Variants in PRPF40B observed in about 807,000 individuals in gnomAD.
The protein encoded by PRPF40B is pre-mRNA-processing factor 40 homolog B.
A neutral mutation model predicts 124.5 loss-of-function variants in PRPF40B; 56 were observed. The observed-to-expected ratio is 0.45, with a 90% CI of 0.36 to 0.56. The LOEUF is 0.56. Ranked by LOEUF, PRPF40B falls within the 20% of genes least tolerant of loss-of-function variation. The pLI, the probability that PRPF40B is intolerant of heterozygous loss-of-function variation, is 0.00. For synonymous variants in PRPF40B, 443 were observed against 426.4 expected (o/e 1.04, Z -0.48); for missense variants, 1,053 against 1,169.5 (o/e 0.90, Z 1.45).
chr12:49,634,762 A>G, intron 12 of PRPF40B, 160 bp downstream of exon 12: 1 of 789,274 alleles, frequency 1.3e-6, no homozygotes, highest in Non-Finnish European at 2.0e-6. Flanking sequence ...GAGGGCCTCC[A>G]GGAGAAGGAA....
rs567454209 is a variant in PRPF40B at position 49,629,248 on chromosome 12, C to T, written c.4-1297C>T. 8.8e-4 allele frequency among the ~76,000 whole-genome samples: 134 copies of T among 152,338 alleles called. 4 individuals are homozygous for T. In the South Asian group the frequency reaches 0.027, roughly 31 times the overall value. Reference sequence around the variant, plus strand: ...AATGATAAAAGTTTGCTGCACCTTGCTTTCTTTCCCACTTGTTAATACATC... The same window carrying T: ...AATGATAAAAGTTTGCTGCACCTTGTTTTCTTTCCCACTTGTTAATACATC... On this transcript the variant is annotated intron_variant, in intron 1 of 25. Coordinates refer to ENST00000548825, the MANE Select transcript of PRPF40B (RefSeq NM_001031698.3).
chr12:49,641,154 G>A (rs534458896), intron 18 of PRPF40B: 1 of 152,368 alleles, frequency 6.6e-6, no homozygotes, highest in East Asian at 1.9e-4. Flanking sequence ...CTAAGCCTCT[G>A]CTTCACTGGA....
In PRPF40B at chr12:49,643,935, C is replaced by G; in HGVS notation, c.2517C>G (p.Asp839Glu). The change falls in exon 25 of 26, where the codon GAC becomes GAG. Residue 839 changes from aspartate to glutamate, a missense_variant. Physicochemically the swap from Asp to Glu is conservative, Grantham distance 45. Coordinates refer to ENST00000548825, the MANE Select transcript of PRPF40B (RefSeq NM_001031698.3). ...KESDEKEQEQ[D>E]KDRELQQAEL... Reference sequence around the variant, plus strand: ...GCGATGAGAAAGAACAAGAACAGGACAAGGACAGGGAGCTCCAACAGGCAG... The same window carrying G: ...GCGATGAGAAAGAACAAGAACAGGAGAAGGACAGGGAGCTCCAACAGGCAG... 6.2e-7 allele frequency: 1 copy of G among 1,614,168 alleles called. No individual in the cohort carries two copies. The highest frequency in any genetic ancestry group is 8.5e-7 in the Non-Finnish European group (1 of 1,180,044).
chr12:49,636,037 T>A, intron 15 of PRPF40B, 44 bp downstream of exon 15: 2 of 1,608,428 alleles, frequency 1.2e-6, no homozygotes, highest in Non-Finnish European at 8.5e-7. Context: ...TCCCTTTCTT[T>A]ACTGGACCTG....
Position 49,634,086 on chromosome 12 carries a change from C to T in PRPF40B, c.806C>T (p.Pro269Leu), listed in dbSNP as rs779568221. ...QGFLQQLEEGPSSSGQHQPQQ... is the reference protein window; with the variant it reads ...QGFLQQLEEGLSSSGQHQPQQ... ...TTCCTGCAGCAGCTGGAGGAGGGCCCCAGCAGGTGAGGGCTGCCCCCCATG... is the reference window on the plus strand; with the variant it reads ...TTCCTGCAGCAGCTGGAGGAGGGCCTCAGCAGGTGAGGGCTGCCCCCCATG... Residue 269 changes from proline (P) to leucine (L), a missense_variant, in exon 10 of 26, where the codon CCC (proline) becomes CTC (leucine). Physicochemically the swap from Pro to Leu is moderately conservative, Grantham distance 98. Coordinates refer to ENST00000548825, the MANE Select transcript of PRPF40B (RefSeq NM_001031698.3). 4 of 1,612,276 alleles carry T rather than the reference C, an allele frequency of 2.5e-6. No homozygotes were observed. Among genetic ancestry groups the T allele is most frequent in the Non-Finnish European group, 3.4e-6 (4 of 1,179,682 alleles).
intron 16 of PRPF40B, chr12:49,637,170 TG>T: frequency 1.7e-6 from 1 of 572,598 alleles, no homozygotes; most frequent in Non-Finnish European, 3.1e-6. Flanking sequence ...TCCCTCAGCT[TG>T]GGGGTGGCAG....
intron 18 of PRPF40B, chr12:49,639,084 T>C (rs1202295767): frequency 6.6e-6 from 1 of 152,240 alleles, no homozygotes; most frequent in African/African-American, 2.4e-5. Context: ...AGTAGAGCCC[T>C]GCATGTAAAG....
At chr12:49,625,101 G>T (rs1278960670) in intron 1 of PRPF40B, among the ~76,000 whole-genome samples, 2 of 152,178 alleles carry the variant, frequency 1.3e-5, no homozygotes, top group Non-Finnish European at 2.9e-5. Context: ...TCTTCAGGAA[G>T]TGGGAATGAG....
chr12:49,632,996 G>GCGGGGGGCCCC lies in PRPF40B; in HGVS notation c.349-17_349-16insGGGGGGCCCCC. 8.7e-7 allele frequency: 1 copy of GCGGGGGGCCCC among 1,147,398 alleles called. No individual in the cohort carries two copies. The highest frequency in any genetic ancestry group is 1.2e-6 in the Non-Finnish European group (1 of 823,012). The allele number at this position is 1,147,398 out of a possible 1,614,324, so 71.1% of individuals were successfully genotyped here. On this transcript the variant is annotated splice_polypyrimidine_tract_variant and intron_variant, in intron 6 of 25. Coordinates refer to ENST00000548825, the MANE Select transcript of PRPF40B (RefSeq NM_001031698.3). Reference sequence around the variant, plus strand: ...AAAGGGGCCTTGACCACCATTCTGTGCCCCCCCCCCCACCCAGAGGGCCCT... The same window carrying GCGGGGGGCCCC: ...AAAGGGGCCTTGACCACCATTCTGTGCGGGGGGCCCCCCCCCCCCCCCACCCAGAGGGCCCT...
chr12:49,622,646 C>CT (rs1940307994), upstream of PRPF40B: 1 of 152,346 alleles, frequency 6.6e-6, no homozygotes, highest in African/African-American at 2.4e-5. Context: ...GGTGTCACCT[C>CT]TAACTCTTCG....
Position 49,637,423 on chromosome 12 carries a change from C to G in PRPF40B, c.1561-47C>G. On this transcript the variant is annotated intron_variant, in intron 16 of 25. Transcript: ENST00000548825. The stretch of plus-strand genomic sequence containing the variant: ...CTCTCTTCCCCCTCAGTCTGTGGCT[C>G]TGCCTCCCTGTCTCACTCTCCCTAT... The G allele has an allele frequency of 2.9e-6, 4 of 1,360,680 alleles. 1 individual carries two copies. The highest frequency in any genetic ancestry group is 4.2e-6 in the Non-Finnish European group (4 of 956,300). The allele number at this position is 1,360,680 out of a possible 1,614,324, so 84.3% of individuals were successfully genotyped here. A position where few individuals can be genotyped will look rare whatever the true frequency, so the allele number is the denominator to read the frequency against.
rs1272187917 is a variant in PRPF40B at position 49,633,900 on chromosome 12, A to T, written c.620A>T (p.Gln207Leu). Residue 207 changes from glutamine to leucine, a missense_variant, in exon 10 of 26, where the codon CAG (glutamine) becomes CTG (leucine). This residue lies in a region of PRPF40B where 895 missense variants were observed against 1,052.2 expected (regional missense o/e 0.85). Transcript: ENST00000548825. ...CTCATCTGCAGGAAACAGCAGCAGC[A>T]GCTGCCACAGACACTTCAGCCACAG... The part of the protein sequence containing the change: ...KQEAAGKQQQ[Q>L]LPQTLQPQPP... 3.1e-6 allele frequency: 5 copies of T among 1,613,932 alleles called. No individual in the cohort carries two copies. In the African/African-American group the frequency reaches 6.7e-5, roughly 22 times the overall value.
At chr12:49,627,940 T>C (rs1459234120) in intron 1 of PRPF40B, among the ~76,000 whole-genome samples, 2 of 152,092 alleles carry the variant, frequency 1.3e-5, no homozygotes, top group African/African-American at 4.8e-5. Context: ...GAGTGACTCA[T>C]AGGTTTCCAT....
chr12:49,635,022 T>C lies in PRPF40B; in HGVS notation c.1002-77T>C. ...AGCCCCTGCAGCCTGCAGTGTCTCA[T>C]GACCCTCCAGTGTGGGCTGTGCAGA... On this transcript the variant is annotated intron_variant, in intron 12 of 25. Transcript: ENST00000548825. The surrounding 1 kb of genome is among the most constrained non-coding windows in gnomAD (Gnocchi z 4.1). 2 of 1,423,326 alleles carry C rather than the reference T, an allele frequency of 1.4e-6. No individual in the cohort carries two copies. The highest frequency in any genetic ancestry group is 9.5e-7 in the Non-Finnish European group (1 of 1,050,454). 88.2% of individuals were successfully genotyped at this position (1,423,326 alleles called of 1,614,324 possible).
In PRPF40B at chr12:49,640,827, G is replaced by C. The variant is rs556865918; in HGVS notation, c.1768-1081G>C. ...GTTAGCTTGATGAAGGGGAGAGCAT[G>C]GTGGAAAGGATGTTCCAGGTTAGGT... On this transcript the variant is annotated intron_variant, in intron 18 of 25. Coordinates refer to ENST00000548825, the MANE Select transcript of PRPF40B (RefSeq NM_001031698.3). 3.9e-5 allele frequency: 6 copies of C among 152,356 alleles called. No individual in the cohort carries two copies. In the East Asian group the frequency reaches 1.2e-3, roughly 29 times the overall value. 9.4% of individuals were successfully genotyped at this position (152,356 alleles called of 1,614,324 possible). A position where few individuals can be genotyped will look rare whatever the true frequency, so the allele number is the denominator to read the frequency against.
chr12:49,631,255 G>T lies in PRPF40B; in HGVS notation c.85-146G>T. 1 of 544,452 alleles carries T rather than the reference G, an allele frequency of 1.8e-6. No individual in the cohort carries two copies. Among genetic ancestry groups the T allele is most frequent in the Non-Finnish European group, 3.2e-6 (1 of 308,956 alleles). 33.7% of individuals were successfully genotyped at this position (544,452 alleles called of 1,614,324 possible). ...GGAGGGAGGCAGTTTCATGCCTTGT[G>T]CTTCTCAAACTAAAGCCTTGGAATT... On this transcript the variant is annotated intron_variant, in intron 2 of 25. Transcript: ENST00000548825. This position sits in a 1 kb window ranked among gnomAD's most constrained non-coding sequence, Gnocchi z 4.3.
At chr12:49,632,010 C>T in intron 4 of PRPF40B, 85 bp downstream of exon 4, 1 of 1,343,902 alleles carries the variant, frequency 7.4e-7, no homozygotes, top group Non-Finnish European at 1.1e-6. Flanking sequence ...GACCTCCATT[C>T]TTTCCCTCTT....
At position 49,634,474 on chromosome 12, in the gene PRPF40B, C is replaced by T. The variant is rs745766981; in HGVS notation, c.936+19C>T. 1 of 1,614,100 alleles carries T rather than the reference C, an allele frequency of 6.2e-7. No individual in the cohort carries two copies. Among genetic ancestry groups the T allele is most frequent in the Non-Finnish European group, 8.5e-7 (1 of 1,179,944 alleles). ...GGACAAGGTGCTGGAGTGGGGCTCC[C>T]AGGGAAGGTTTGGAGGGGGCTGGAG... is the stretch of plus-strand genomic sequence containing the variant. On this transcript the variant is annotated intron_variant, in intron 11 of 25. Coordinates refer to ENST00000548825, the MANE Select transcript of PRPF40B (RefSeq NM_001031698.3).
chr12:49,634,108 C>A lies in PRPF40B; in HGVS notation c.812+16C>A. ...GCCCCAGCAGGTGAGGGCTGCCCCC[C>A]ATGGCATTCCCAATGTTGGCCTCAG... On this transcript the variant is annotated intron_variant, in intron 10 of 25. Coordinates refer to ENST00000548825, the MANE Select transcript of PRPF40B (RefSeq NM_001031698.3). The A allele has an allele frequency of 6.2e-7, 1 of 1,607,638 alleles. No homozygotes were observed. Among genetic ancestry groups the A allele is most frequent in the South Asian group, 1.1e-5 (1 of 90,586 alleles).
Sources: gnomAD v4.1 joint callset for allele counts (sites outside exome capture counted in the v4.1 genomes callset) on GRCh38, gnomAD v4.1.1 for gene constraint, gnomAD v4.1.1 regional missense constraint, Gnocchi (gnomAD v3.1) non-coding constraint, MANE v1.5 for transcripts, NCBI Gene and HGNC (gene_info 2026-07-23, HGNC 2026-07-21) for gene names.